The following P2RY8 variants were observed in gnomAD, a reference collection of about 807,000 sequenced individuals.
P2RY8 encodes the protein S-geranylgeranyl-glutathione receptor P2RY8.
P2RY8 carries 6 observed loss-of-function variants against 10.0 expected under a neutral mutation model. The observed-to-expected ratio is 0.60, with a 90% CI of 0.33 to 1.19. The LOEUF (loss-of-function observed/expected upper bound fraction) is 1.19. Among genes scored for constraint, P2RY8 ranks in the 50% most tolerant of loss-of-function variants. The pLI, the probability that P2RY8 is intolerant of heterozygous loss-of-function variation, is 0.04. For missense variants in P2RY8, 456 were observed against 542.0 expected, an observed-to-expected ratio of 0.84 and a Z score of 1.58; for synonymous variants, 276 against 252.5, an observed-to-expected ratio of 1.09 and a Z score of -0.88.
intron 1 of P2RY8, among the ~76,000 whole-genome samples, chrX:1,516,298 CT>C (rs59325637): frequency 0.54 from 81,165 of 151,016 alleles, 22,212 homozygotes; most frequent in East Asian, 0.77. Flanking sequence ...TTCTTCACCC[CT>C]CTCCCACAAA....
At chrX:1,531,798 C>G (rs2092477658) in intron 1 of P2RY8, among the ~76,000 whole-genome samples, 1 of 152,158 alleles carries the variant, frequency 6.6e-6, no homozygotes, top group African/African-American at 2.4e-5. Flanking sequence ...GGCTCAGCGG[C>G]ATGAAAACAC....
rs752162541 is a variant in P2RY8 at position 1,466,114 on chromosome X, G to A, written c.445C>T (p.Leu149=). 4 of 1,611,768 alleles carry A rather than the reference G, an allele frequency of 2.5e-6. No individual in the cohort carries two copies. Among genetic ancestry groups the A allele is most frequent in the East Asian group, 4.5e-5 (2 of 44,870 alleles). ...YAVAACAGTW[L]LLLTALSPLA... ...GGGGACAGGGCGGTCAGGAGCAGCA[G>A]CCAGGTCCCTGCACACGCGGCCACC... is the stretch of plus-strand genomic sequence containing the variant. Residue 149 remains leucine (L), a synonymous_variant, in exon 2 of 2, where the codon CTG becomes TTG. Coordinates refer to ENST00000381297, the MANE Select transcript of P2RY8 (RefSeq NM_178129.5).
At chrX:1,467,717 C>G (rs1268388426) in intron 1 of P2RY8, among the ~76,000 whole-genome samples, 1 of 152,214 alleles carries the variant, frequency 6.6e-6, no homozygotes, top group Non-Finnish European at 1.5e-5. Flanking sequence ...TGCCTTGTTG[C>G]CCAGGCTGGA....
intron 1 of P2RY8, among the ~76,000 whole-genome samples, 162 bp from the exon 2 acceptor site, chrX:1,466,744 C>G (rs2091685803): frequency 1.4e-5 from 2 of 139,726 alleles, no homozygotes; most frequent in African/African-American, 2.5e-5. Flanking sequence ...TCCTCCTTCC[C>G]TCTCCTCCTT....
chrX:1,464,771 G>C lies in P2RY8; in HGVS notation c.*708C>G, dbSNP rs1454273264. ...AACAAATGTGCCAAAAATCACCTTG[G>C]TCAGCAACAGGGTGGGGTGTGTGTG... On this transcript the variant is annotated 3_prime_UTR_variant, in exon 2 of 2. Coordinates refer to ENST00000381297, the MANE Select transcript of P2RY8 (RefSeq NM_178129.5). 1 of 231,172 alleles carries C rather than the reference G, an allele frequency of 4.3e-6. No individual in the cohort carries two copies. Among genetic ancestry groups the C allele is most frequent in the African/African-American group, 2.2e-5 (1 of 45,158 alleles). The allele number at this position is 231,172 out of a possible 1,614,324, so 14.3% of individuals were successfully genotyped here. A position where few individuals can be genotyped will look rare whatever the true frequency, so the allele number is the denominator to read the frequency against.
intron 1 of P2RY8, among the ~76,000 whole-genome samples, chrX:1,534,088 A>G (rs1255291217): frequency 2.3e-5 from 3 of 131,604 alleles, no homozygotes; most frequent in East Asian, 4.3e-4. Flanking sequence ...TAATATATTT[A>G]CATATATATT....
At chrX:1,509,676 C>A (rs1301200902) in intron 1 of P2RY8, among the ~76,000 whole-genome samples, 1 of 103,316 alleles carries the variant, frequency 9.7e-6, no homozygotes, top group Non-Finnish European at 2.5e-5. Context: ...GTTCATCCAT[C>A]CATCCATCCA....
intron 1 of P2RY8, among the ~76,000 whole-genome samples, chrX:1,493,725 C>T (rs1275974228): frequency 2.6e-5 from 4 of 152,184 alleles, no homozygotes. Context: ...CCGGCCTGTA[C>T]CCCTCGTCAA....
chrX:1,486,841 G>T (rs1272386006), intron 1 of P2RY8, among the ~76,000 whole-genome samples: 1 of 152,134 alleles, frequency 6.6e-6, no homozygotes, highest in East Asian at 1.9e-4. Flanking sequence ...CCCTGCCCGC[G>T]CTGAGTCCTG....
intron 1 of P2RY8, among the ~76,000 whole-genome samples, chrX:1,535,327 A>G (rs1328742727): frequency 6.6e-6 from 1 of 150,378 alleles, no homozygotes; most frequent in East Asian, 2.0e-4. Context: ...AACTGGGATG[A>G]CAGGTGCCCG....
In P2RY8 at chrX:1,463,050, C is replaced by T. The variant is rs1462529671; in HGVS notation, c.*2429G>A. ...GCTGGGGGACGTCAGGGTTCTCGCA[C>T]GTTGTCGAGGAAGGATATTGTCTCG... On this transcript the variant is annotated 3_prime_UTR_variant, in exon 2 of 2. Transcript: ENST00000381297. The T allele has an allele frequency of 1.3e-5, 3 of 232,950 alleles. No homozygotes were observed. Among genetic ancestry groups the T allele is most frequent in the East Asian group, 6.0e-5 (1 of 16,604 alleles). The allele number at this position is 232,950 out of a possible 1,614,324, so 14.4% of individuals were successfully genotyped here.
At chrX:1,535,750 CAA>C (rs1569539080) in intron 1 of P2RY8, among the ~76,000 whole-genome samples, 6 of 151,076 alleles carry the variant, frequency 4.0e-5, no homozygotes, top group Admixed American at 1.3e-4. Context: ...CACACACACA[CAA>C]ACCCTTTTCT....
At chrX:1,535,662 T>G (rs2092518773) in intron 1 of P2RY8, among the ~76,000 whole-genome samples, 1 of 150,534 alleles carries the variant, frequency 6.6e-6, no homozygotes, top group African/African-American at 2.5e-5. Flanking sequence ...TCATCCACGT[T>G]ACGTAAAGAT....
chrX:1,466,523 C>G lies in P2RY8; in HGVS notation c.36G>C (p.Ala12=), dbSNP rs1213286270. 6.2e-7 allele frequency: 1 copy of G among 1,609,424 alleles called. No individual in the cohort carries two copies. The highest frequency in any genetic ancestry group is 8.5e-7 in the Non-Finnish European group (1 of 1,179,444). Residue 12 remains alanine, a synonymous_variant, in exon 2 of 2, where the codon GCG becomes GCC. Transcript: ENST00000381297. Reference sequence around the variant, plus strand: ...CCGGGTTCCGCAGCATCTGCAGCGTCGCGTTGTCCGGGCCGGTGCTGTTCG... The same window carrying G: ...CCGGGTTCCGCAGCATCTGCAGCGTGGCGTTGTCCGGGCCGGTGCTGTTCG... ...QVPNSTGPDN[A]TLQMLRNPAI... is the part of the protein sequence containing the mutation.
At chrX:1,518,011 A>T (rs1192820170) in intron 1 of P2RY8, among the ~76,000 whole-genome samples, 69 of 151,904 alleles carry the variant, frequency 4.5e-4, no homozygotes, top group African/African-American at 1.6e-3. Flanking sequence ...CAGGAGGCTG[A>T]GGCGGGAGAA....
chrX:1,512,790 C>G (rs1187659034), intron 1 of P2RY8, among the ~76,000 whole-genome samples: 5 of 151,950 alleles, frequency 3.3e-5, no homozygotes, highest in Admixed American at 6.6e-5. Context: ...GAAAACTGCC[C>G]ATAAAGTTCA....
intron 1 of P2RY8, among the ~76,000 whole-genome samples, chrX:1,508,304 G>A (rs1457545481): frequency 6.6e-6 from 1 of 152,146 alleles, no homozygotes; most frequent in Non-Finnish European, 1.5e-5. Flanking sequence ...CCCAGGGGAC[G>A]CTGGGCAGCA....
chrX:1,465,290 A>G lies in P2RY8; in HGVS notation c.*189T>C. Reference sequence around the variant, plus strand: ...TTTCTCTACCCTGAGTGAAGCCTGGAGACCCTTCCTCACCGGTGCCTCTGC... The same window carrying G: ...TTTCTCTACCCTGAGTGAAGCCTGGGGACCCTTCCTCACCGGTGCCTCTGC... On this transcript the variant is annotated 3_prime_UTR_variant, in exon 2 of 2. Coordinates refer to ENST00000381297, the MANE Select transcript of P2RY8 (RefSeq NM_178129.5). The G allele has an allele frequency of 1.1e-6, 1 of 905,726 alleles. No individual in the cohort carries two copies. Among genetic ancestry groups the G allele is most frequent in the Non-Finnish European group, 1.6e-6 (1 of 618,264 alleles). The allele number at this position is 905,726 out of a possible 1,614,324, so 56.1% of individuals were successfully genotyped here. A position where few individuals can be genotyped will look rare whatever the true frequency, so the allele number is the denominator to read the frequency against.
chrX:1,511,897 C>G (rs1351555986), intron 1 of P2RY8, among the ~76,000 whole-genome samples: 2 of 152,198 alleles, frequency 1.3e-5, no homozygotes, highest in Non-Finnish European at 2.9e-5. Context: ...TCCCACATCA[C>G]TCGCTGACAA....
Sources: allele counts gnomAD v4.1 joint callset (sites outside exome capture counted in the v4.1 genomes callset), GRCh38; gene constraint gnomAD v4.1.1; transcripts MANE v1.5; gene names NCBI Gene and HGNC (gene_info 2026-07-23, HGNC 2026-07-21).